The following MORF4L1 variants were observed in gnomAD, a reference collection of about 807,000 sequenced individuals.
MORF4L1 encodes the protein mortality factor 4-like protein 1.
A neutral mutation model predicts 52.9 loss-of-function variants in MORF4L1; 4 were observed. The observed-to-expected ratio is 0.08, with a 90% CI of 0.04 to 0.17. MORF4L1 has a LOEUF of 0.17. Among genes scored for constraint, MORF4L1 ranks in the 10% least tolerant of loss-of-function variants. MORF4L1 has a pLI of 1.00. For missense variants in MORF4L1, 214 were observed against 390.4 expected, an observed-to-expected ratio of 0.55 and a Z score of 3.81; for synonymous variants, 123 against 134.8, an observed-to-expected ratio of 0.91 and a Z score of 0.61.
intron 1 of MORF4L1, among the ~76,000 whole-genome samples, chr15:78,875,397 G>C (rs373860621): frequency 4.6e-5 from 7 of 152,206 alleles, no homozygotes; most frequent in African/African-American, 1.4e-4. Context: ...CTGTGTAAGA[G>C]AGTCTGTATT....
At chr15:78,894,034 G>T in intron 9 of MORF4L1, 24 bp from the exon 10 acceptor site, 1 of 1,591,544 alleles carries the variant, frequency 6.3e-7, no homozygotes, top group Non-Finnish European at 8.6e-7. Flanking sequence ...GACCAGTTTT[G>T]GAATATTTTT....
chr15:78,878,914 A>T (rs8027614), intron 2 of MORF4L1, among the ~76,000 whole-genome samples: 4,352 of 152,330 alleles, frequency 0.029, 237 homozygotes, highest in African/African-American at 0.099. Context: ...ACAAAACAGT[A>T]TAATGTTTAA....
At chr15:78,883,910 A>G (rs1315946653) in intron 3 of MORF4L1, among the ~76,000 whole-genome samples, 1 of 152,148 alleles carries the variant, frequency 6.6e-6, no homozygotes, top group African/African-American at 2.4e-5. Context: ...CCGTTAGAAA[A>G]CTATGAAATT....
rs143342960 is a variant in MORF4L1, at chr15:78,897,378, A to G, written c.*311A>G. ...CTGGTGGTTCTATTCCTTTGACACT[A>G]CGCACTTTTATAATACATGTTAATG... is the stretch of plus-strand genomic sequence containing the variant. On this transcript the variant is annotated 3_prime_UTR_variant, in exon 12 of 12. Transcript: ENST00000426013. The G allele has an allele frequency of 2.9e-5, 7 of 244,554 alleles. No homozygotes were observed. Among genetic ancestry groups the G allele is most frequent in the South Asian group, 1.7e-4 (3 of 17,386 alleles). 15.1% of individuals were successfully genotyped at this position (244,554 alleles called of 1,614,324 possible). A position where few individuals can be genotyped will look rare whatever the true frequency, so the allele number is the denominator to read the frequency against.
At chr15:78,886,812 G>T (rs550652904) in intron 4 of MORF4L1, among the ~76,000 whole-genome samples, 9 of 152,014 alleles carry the variant, frequency 5.9e-5, no homozygotes, top group African/African-American at 1.9e-4. Flanking sequence ...AAAATTAGCC[G>T]GGCATGGTGG....
chr15:78,883,997 A>G (rs368102394), intron 3 of MORF4L1, among the ~76,000 whole-genome samples: 2 of 151,628 alleles, frequency 1.3e-5, no homozygotes, highest in East Asian at 3.9e-4. Context: ...CAAGGTCAGG[A>G]GTTCTAGACC....
At chr15:78,878,355 AAG>A (rs760240188) in intron 2 of MORF4L1, 96 bp downstream of exon 2, 23 of 1,078,740 alleles carry the variant, frequency 2.1e-5, no homozygotes, top group Middle Eastern at 3.1e-4. Flanking sequence ...TTGCCTCAGT[AAG>A]AGAGTTGCCT....
At chr15:78,895,873 T>A (rs922833649) in intron 11 of MORF4L1, among the ~76,000 whole-genome samples, 21 of 152,196 alleles carry the variant, frequency 1.4e-4, no homozygotes, top group African/African-American at 5.1e-4. Flanking sequence ...GCAAGATTTA[T>A]CATCTTTTCT....
In MORF4L1 at chr15:78,887,107, T is replaced by G. The variant is rs528343223; in HGVS notation, c.243-162T>G. 7.9e-5 allele frequency among the ~76,000 whole-genome samples: 12 copies of G among 152,354 alleles called. No individual in the cohort carries two copies. In the South Asian group the frequency reaches 2.3e-3, roughly 29 times the overall value. On this transcript the variant is annotated intron_variant, in intron 4 of 11. Transcript: ENST00000426013. ...TGATTTTAATTGAGCCTTTTGCTGT[T>G]TCTTGAGTGTTTTGTTTGATTTTTG... is the stretch of plus-strand genomic sequence containing the variant.
chr15:78,882,918 T>G (rs74733276), intron 3 of MORF4L1, among the ~76,000 whole-genome samples: 19,698 of 151,956 alleles, frequency 0.13, 1,349 homozygotes, highest in East Asian at 0.26. Context: ...ATAAAAATTT[T>G]AAAAAAGTGT....
Position 78,896,997 on chromosome 15 carries a change from A to G in MORF4L1, c.902A>G (p.Asn301Ser), listed in dbSNP as rs2056901939. 4 of 1,613,234 alleles carry G rather than the reference A, an allele frequency of 2.5e-6. No homozygotes were observed. In the East Asian group the frequency reaches 6.7e-5, roughly 27 times the overall value. Reference protein sequence around the residue: ...LHDFLKYLAKNSATLFSASDY... With the variant: ...LHDFLKYLAKSSATLFSASDY... ...TTTATTTTTAGGTACCTGGCAAAGA[A>G]TTCTGCAACTTTGTTCAGTGCCAGC... Residue 301 changes from asparagine to serine, a missense_variant, in exon 12 of 12, where the codon AAT (asparagine) becomes AGT (serine). Coordinates refer to ENST00000426013, the MANE Select transcript of MORF4L1 (RefSeq NM_006791.4).
intron 5 of MORF4L1, among the ~76,000 whole-genome samples, chr15:78,887,650 T>C (rs1427942574): frequency 6.6e-6 from 1 of 152,246 alleles, no homozygotes; most frequent in Non-Finnish European, 1.5e-5. Context: ...TTTTCAAACC[T>C]AAAAAGCAAG....
chr15:78,886,969 A>G (rs1482179535), intron 4 of MORF4L1, among the ~76,000 whole-genome samples: 1 of 152,076 alleles, frequency 6.6e-6, no homozygotes, highest in African/African-American at 2.4e-5. Context: ...AAAAAAAAAA[A>G]AAGAATTAAA....
intron 1 of MORF4L1, 191 bp from the exon 2 acceptor site, chr15:78,878,022 C>T (rs191432047): frequency 6.9e-5 from 32 of 463,346 alleles, no homozygotes; most frequent in African/African-American, 5.6e-4. Context: ...TTGTTTTTAC[C>T]ATCGGATACC....
In MORF4L1 at chr15:78,880,146, A is replaced by G. The variant is rs536524220; in HGVS notation, c.88-366A>G. Among the ~76,000 whole-genome samples the G allele has an allele frequency of 2.0e-5, 3 of 152,350 alleles. 1 individual carries two copies. The highest frequency in any genetic ancestry group is 4.1e-4 in the South Asian group (2 of 4,828). On this transcript the variant is annotated intron_variant, in intron 2 of 11. Transcript: ENST00000426013. ...TTTACTGCCTTTCATAAGCTAATGA[A>G]GTTTTTTTATAATATAGTTTAAAGA...
rs753303354 is a variant in MORF4L1 at position 78,897,047 on chromosome 15, T to A, written c.952T>A (p.Tyr318Asn). The A allele has an allele frequency of 6.2e-7, 1 of 1,612,252 alleles. No homozygotes were observed. The highest frequency in any genetic ancestry group is 1.7e-5 in the Admixed American group (1 of 60,006). Residue 318 changes from tyrosine to asparagine, a missense_variant, in exon 12 of 12, where the codon TAC becomes AAC. By Grantham distance (143) the Tyr-to-Asn change is moderately radical. Around this residue, in one of 5 missense-constraint regions of MORF4L1, gnomAD observed 30 missense variants for 34.6 expected, o/e 0.87. Coordinates refer to ENST00000426013, the MANE Select transcript of MORF4L1 (RefSeq NM_006791.4). ...CGATTATGAAGTGGCTCCTCCTGAG[T>A]ACCATCGGAAAGCTGTGTGAGAGGC... ...ASDYEVAPPE[Y>N]HRKAV is the part of the protein sequence containing the mutation.
intron 3 of MORF4L1, chr15:78,885,039 T>A (rs759015330): frequency 1.9e-6 from 3 of 1,614,170 alleles, no homozygotes; most frequent in East Asian, 4.5e-5. Context: ...TTTTTCCTGT[T>A]CCTGAAGGAG....
In MORF4L1 at chr15:78,894,857, T is replaced by C. The variant is rs546224914; in HGVS notation, c.840T>C (p.Asp280=). 1 of 1,613,828 alleles carries C rather than the reference T, an allele frequency of 6.2e-7. No individual in the cohort carries two copies. Among genetic ancestry groups the C allele is most frequent in the Admixed American group, 1.7e-5 (1 of 60,010 alleles). ...CAATGTTGGCTTATACACCTCTGGA[T>C]GAGAAGAGCCTTGCTTTATTACTCA... The part of the protein sequence containing the change: ...IGAMLAYTPL[D]EKSLALLLNY... The change falls in exon 11 of 12, where the codon GAT becomes GAC. Residue 280 remains aspartate (D), a synonymous_variant. Coordinates refer to ENST00000426013, the MANE Select transcript of MORF4L1 (RefSeq NM_006791.4).
intron 7 of MORF4L1, 24 bp from the exon 8 acceptor site, chr15:78,892,188 A>G: frequency 6.5e-7 from 1 of 1,549,826 alleles, no homozygotes. Context: ...TTAGGTTTTT[A>G]ATACTCCTCC....
Sources: allele counts gnomAD v4.1 joint callset (sites outside exome capture counted in the v4.1 genomes callset), GRCh38; gene constraint gnomAD v4.1.1; regional missense constraint gnomAD v4.1.1; transcripts MANE v1.5; gene names NCBI Gene and HGNC (gene_info 2026-07-23, HGNC 2026-07-21).